PRKCQ: variants seen among roughly 807,000 people sequenced by gnomAD.
The protein encoded by PRKCQ is protein kinase C theta.
Under a neutral mutation model 91.2 loss-of-function variants are expected in PRKCQ, and 41 were observed. The ratio of observed to expected loss-of-function variants is 0.45; its 90% confidence interval spans 0.35 to 0.58. PRKCQ has a LOEUF of 0.58. Ranked by LOEUF, PRKCQ falls within the 20% of genes least tolerant of loss-of-function variation. The probability of loss-of-function intolerance (pLI) is 0.00; values close to 1 mark genes in which losing one functional copy is unlikely to be tolerated. For synonymous variants in PRKCQ, 307 were observed against 316.9 expected, an observed-to-expected ratio of 0.97 and a Z score of 0.33; for missense variants, 673 against 896.5, an observed-to-expected ratio of 0.75 and a Z score of 3.18.
chr10:6,504,496 CTCT>C (rs1838082860), intron 4 of PRKCQ, among the ~76,000 whole-genome samples: 2 of 152,218 alleles, frequency 1.3e-5, no homozygotes, highest in Admixed American at 6.5e-5. Context: ...AAGGCCATCC[CTCT>C]TCTTTAGAAA....
downstream of PRKCQ, among the ~76,000 whole-genome samples, chr10:6,425,229 T>A (rs1833087172): frequency 6.7e-6 from 1 of 148,726 alleles, no homozygotes; most frequent in Non-Finnish European, 1.5e-5. Flanking sequence ...TCCTCTATTT[T>A]TTTTTTTTTT....
intron 2 of PRKCQ, among the ~76,000 whole-genome samples, chr10:6,513,181 C>G (rs1838571014): frequency 6.6e-6 from 1 of 152,170 alleles, no homozygotes. Context: ...GCCTGTTTGT[C>G]CTTGTTCTGT....
chr10:6,506,050 G>T (rs1379257104), intron 4 of PRKCQ, among the ~76,000 whole-genome samples: 1 of 152,204 alleles, frequency 6.6e-6, no homozygotes, highest in African/African-American at 2.4e-5. Context: ...ATTTAGGTCA[G>T]CACTTTCACA....
chr10:6,516,501 G>A (rs1160868789), intron 1 of PRKCQ, among the ~76,000 whole-genome samples: 1 of 152,162 alleles, frequency 6.6e-6, no homozygotes, highest in Non-Finnish European at 1.5e-5. Flanking sequence ...GAATTCCCAG[G>A]CAGGAGCGGG....
chr10:6,412,350 T>G, the PRKCQ span, among the ~76,000 whole-genome samples: 2 of 152,222 alleles, frequency 1.3e-5, no homozygotes, highest in African/African-American at 4.8e-5. Flanking sequence ...AGTTTAGAGA[T>G]TCAATGGAAT....
At chr10:6,447,768 T>C (rs1165494091) in intron 15 of PRKCQ, among the ~76,000 whole-genome samples, 1 of 152,184 alleles carries the variant, frequency 6.6e-6, no homozygotes, top group Non-Finnish European at 1.5e-5. Context: ...TAGTCGGCCT[T>C]CCCCAGGCCA....
chr10:6,496,550 T>C (rs758496982), intron 7 of PRKCQ, among the ~76,000 whole-genome samples: 5 of 152,220 alleles, frequency 3.3e-5, no homozygotes, highest in Admixed American at 1.3e-4. Context: ...TATTCTCATA[T>C]AATTAATCTA....
the PRKCQ span, among the ~76,000 whole-genome samples, chr10:6,408,027 T>A: frequency 3.4e-5 from 5 of 146,628 alleles, no homozygotes; most frequent in Non-Finnish European, 4.5e-5. Context: ...TTGTTCAAAT[T>A]TCCAGTGGTC....
chr10:6,554,273 C>T (rs966779094), intron 1 of PRKCQ, among the ~76,000 whole-genome samples: 1 of 152,122 alleles, frequency 6.6e-6, no homozygotes, highest in African/African-American at 2.4e-5. Flanking sequence ...GAAGGAACTG[C>T]AACTCCGAAG....
intron 4 of PRKCQ, among the ~76,000 whole-genome samples, chr10:6,505,464 C>G (rs1026654369): frequency 5.7e-5 from 8 of 140,662 alleles, no homozygotes; most frequent in Non-Finnish European, 7.9e-5. Context: ...TTTGAAGGAC[C>G]CTTTTTCTCC....
intron 1 of PRKCQ, among the ~76,000 whole-genome samples, chr10:6,561,541 T>A (rs1476751143): frequency 6.6e-6 from 1 of 152,238 alleles, no homozygotes; most frequent in Non-Finnish European, 1.5e-5. Context: ...ACAATTGATT[T>A]ACATACACAG....
At position 6,442,749 on chromosome 10, in the gene PRKCQ, G is replaced by A. The variant is rs138902293; in HGVS notation, c.1648-668C>T. On this transcript the variant is annotated intron_variant, in intron 15 of 17. Coordinates refer to ENST00000263125, the MANE Select transcript of PRKCQ (RefSeq NM_006257.5). ...GGCCGAGGCTAGTGGATCACCTGAG[G>A]TCGGGAGTTTGAGACCAGCCTGGCC... Among the ~76,000 whole-genome samples, 262 of 152,294 alleles carry A rather than the reference G, an allele frequency of 1.7e-3. 2 individuals are homozygous for A. The highest frequency in any genetic ancestry group is 4.8e-3 in the African/African-American group (199 of 41,564).
chr10:6,395,328 G>T, the PRKCQ span, among the ~76,000 whole-genome samples: 1 of 151,952 alleles, frequency 6.6e-6, no homozygotes, highest in South Asian at 2.1e-4. Context: ...TCTCCCAAAG[G>T]GCTGGGATTA....
intron 1 of PRKCQ, among the ~76,000 whole-genome samples, chr10:6,560,332 G>T (rs185305447): frequency 5.6e-4 from 85 of 152,268 alleles, no homozygotes; most frequent in South Asian, 1.9e-3. Flanking sequence ...GAGGAGCGGC[G>T]TGCTACAGGC....
intron 12 of PRKCQ, among the ~76,000 whole-genome samples, chr10:6,472,286 C>T (rs750449363): frequency 1.3e-5 from 2 of 151,904 alleles, no homozygotes; most frequent in African/African-American, 4.8e-5. Flanking sequence ...CCAGGCTGGG[C>T]GACAGAGCGA....
intron 12 of PRKCQ, among the ~76,000 whole-genome samples, chr10:6,467,657 G>A (rs1041497246): frequency 1.3e-5 from 2 of 152,114 alleles, no homozygotes; most frequent in East Asian, 1.9e-4. Context: ...AGCATCTGTC[G>A]AATGGAAATT....
intron 16 of PRKCQ, among the ~76,000 whole-genome samples, chr10:6,439,186 T>C (rs912191003): frequency 1.3e-5 from 2 of 152,160 alleles, no homozygotes; most frequent in Non-Finnish European, 2.9e-5. Context: ...GCTCACACCT[T>C]GTGATTCTCA....
At chr10:6,420,244 C>T in the PRKCQ span, among the ~76,000 whole-genome samples, 3 of 152,140 alleles carry the variant, frequency 2.0e-5, no homozygotes, top group Admixed American at 1.3e-4. Context: ...GCCTAGGCCT[C>T]GAAATCTCCT....
At chr10:6,561,551 G>C (rs1840635478) in intron 1 of PRKCQ, among the ~76,000 whole-genome samples, 1 of 152,086 alleles carries the variant, frequency 6.6e-6, no homozygotes, top group Admixed American at 6.6e-5. Flanking sequence ...TACATACACA[G>C]AAACACACTG....
Sources: gnomAD v4.1 joint callset for allele counts (sites outside exome capture counted in the v4.1 genomes callset) on GRCh38, gnomAD v4.1.1 for gene constraint, MANE v1.5 for transcripts, NCBI Gene and HGNC (gene_info 2026-07-23, HGNC 2026-07-21) for gene names.